The following NAPEPLD variants were observed in gnomAD, a reference collection of about 807,000 sequenced individuals.
The protein encoded by NAPEPLD is N-acyl phosphatidylethanolamine phospholipase D.
In NAPEPLD, 23 loss-of-function variants were observed where a neutral mutation model predicts 38.1. The observed-to-expected ratio is 0.60, with a 90% CI of 0.43 to 0.86. The LOEUF (loss-of-function observed/expected upper bound fraction) is 0.86, where lower values mean the gene tolerates loss of function less well. Ranked by LOEUF, NAPEPLD falls within the 40% of genes least tolerant of loss-of-function variation. The probability of loss-of-function intolerance (pLI) is 0.00; values close to 1 mark genes in which losing one functional copy is unlikely to be tolerated. For missense variants in NAPEPLD, 411 were observed against 476.8 expected, an observed-to-expected ratio of 0.86 and a Z score of 1.28; for synonymous variants, 147 against 162.0, an observed-to-expected ratio of 0.91 and a Z score of 0.71.
At chr7:103,136,046 G>A (rs956282263) in intron 1 of NAPEPLD, among the ~76,000 whole-genome samples, 3 of 152,052 alleles carry the variant, frequency 2.0e-5, no homozygotes, top group African/African-American at 4.8e-5. Flanking sequence ...AATACTTTGG[G>A]AGGCCAAGGA....
At chr7:103,107,240 T>G (rs887762143) in intron 4 of NAPEPLD, among the ~76,000 whole-genome samples, 2 of 152,092 alleles carry the variant, frequency 1.3e-5, no homozygotes, top group Non-Finnish European at 2.9e-5. Flanking sequence ...AGAGCCCACC[T>G]GAAGGTCACC....
intron 1 of NAPEPLD, among the ~76,000 whole-genome samples, chr7:103,130,359 C>G (rs192882190): frequency 6.6e-6 from 1 of 152,312 alleles, no homozygotes; most frequent in East Asian, 1.9e-4. Flanking sequence ...CGCTGTTGCT[C>G]AGCCATCGCT....
chr7:103,146,710 G>T (rs1383513166), intron 1 of NAPEPLD, among the ~76,000 whole-genome samples: 1 of 152,146 alleles, frequency 6.6e-6, no homozygotes, highest in Non-Finnish European at 1.5e-5. Flanking sequence ...CAATCTGTGA[G>T]TGTGTTGCTG....
intron 2 of NAPEPLD, among the ~76,000 whole-genome samples, chr7:103,120,749 T>C (rs1222297611): frequency 7.9e-6 from 1 of 127,120 alleles, no homozygotes; most frequent in Non-Finnish European, 1.6e-5. Flanking sequence ...GCTCTCGCTC[T>C]GTTACCCAGG....
chr7:103,141,992 C>G, intron 1 of NAPEPLD: 1 of 690,614 alleles, frequency 1.4e-6, no homozygotes, highest in Non-Finnish European at 2.6e-6. Flanking sequence ...GCTTTTTAAA[C>G]TACACCAGAG....
chr7:103,124,058 T>G (rs1807253429), intron 2 of NAPEPLD, among the ~76,000 whole-genome samples: 1 of 152,136 alleles, frequency 6.6e-6, no homozygotes, highest in Non-Finnish European at 1.5e-5. Flanking sequence ...TCCCAACACT[T>G]CAGGAGGCCT....
At chr7:103,141,458 G>A (rs1811333597) in intron 1 of NAPEPLD, 3 of 1,044,808 alleles carry the variant, frequency 2.9e-6, no homozygotes, top group Admixed American at 3.5e-5. Context: ...AGATCTGCGG[G>A]CCTCAGCCTG....
In NAPEPLD at chr7:103,120,206, G is replaced by T. The variant is rs1350587215; in HGVS notation, c.312C>A (p.Leu104=). 3 of 1,613,328 alleles carry T rather than the reference G, an allele frequency of 1.9e-6. No homozygotes were observed. Among genetic ancestry groups the T allele is most frequent in the Non-Finnish European group, 2.5e-6 (3 of 1,179,560 alleles). ...TGATAAAATATGGCTTAAGCACTGG[G>T]AGTTCTTTGTCTAGTTCCTTTGTGT... ...PSSKEELDKE[L]PVLKPYFITN... is the part of the protein sequence containing the mutation. The change falls in exon 3 of 5, where the codon CTC becomes CTA. Residue 104 remains leucine (L), a synonymous_variant. Transcript: ENST00000465647.
chr7:103,141,971 TC>T, intron 1 of NAPEPLD: 1 of 752,202 alleles, frequency 1.3e-6, no homozygotes, highest in Admixed American at 2.0e-5. Flanking sequence ...AGGAAAGAGC[TC>T]CCCTGTGGAG....
At chr7:103,119,444 A>T in intron 3 of NAPEPLD, 133 bp downstream of exon 3, 1 of 790,450 alleles carries the variant, frequency 1.3e-6, no homozygotes, top group Non-Finnish European at 1.8e-6. Context: ...TGACCTACCA[A>T]CCCCCAATCA....
At chr7:103,140,702 T>C (rs1050073684) in intron 1 of NAPEPLD, among the ~76,000 whole-genome samples, 8 of 152,168 alleles carry the variant, frequency 5.3e-5, no homozygotes, top group South Asian at 2.1e-4. Context: ...GACCTCATAG[T>C]TCCTTGTGGC....
In NAPEPLD at chr7:103,119,577, C is replaced by T. The variant is rs1806210402; in HGVS notation, c.941G>A (p.Arg314Lys). 1 of 1,611,622 alleles carries T rather than the reference C, an allele frequency of 6.2e-7. No homozygotes were observed. Among genetic ancestry groups the T allele is most frequent in the African/African-American group, 1.3e-5 (1 of 74,826 alleles). ...AAIPIGAYEPRWFMKYQHVDP... is the reference protein window; with the variant it reads ...AAIPIGAYEPKWFMKYQHVDP... ...ATGTTTTCTTTGGAAGTCTACATAC[C>T]TCGGTTCATAAGCTCCGATGGGAAT... The change falls in exon 3 of 5, where the codon AGG (arginine) becomes AAG (lysine). Residue 314 changes from arginine to lysine, a missense_variant and splice_region_variant. Coordinates refer to ENST00000465647, the MANE Select transcript of NAPEPLD (RefSeq NM_001122838.3).
intron 1 of NAPEPLD, among the ~76,000 whole-genome samples, chr7:103,134,606 C>T (rs1809654372): frequency 6.6e-6 from 1 of 152,086 alleles, no homozygotes; most frequent in South Asian, 2.1e-4. Flanking sequence ...GCCGAGATTC[C>T]AGCCTGAGCG....
intron 1 of NAPEPLD, chr7:103,148,080 T>G: frequency 1.0e-6 from 1 of 985,158 alleles, no homozygotes; most frequent in South Asian, 4.7e-5. Context: ...TGTCCATGTC[T>G]GCGGCTAATT....
chr7:103,147,192 T>C (rs1005347520), intron 1 of NAPEPLD, among the ~76,000 whole-genome samples: 1 of 152,260 alleles, frequency 6.6e-6, no homozygotes, highest in African/African-American at 2.4e-5. Flanking sequence ...GTATAGGCGT[T>C]AGAATGAAAT....
chr7:103,103,232 A>C lies in NAPEPLD; in HGVS notation c.*197T>G, dbSNP rs1458864647. Reference sequence around the variant, plus strand: ...AGCCAATTCATTATTTAAATGACCCACCCCTGAACCCTCTCATAGTGTACA... The same window carrying C: ...AGCCAATTCATTATTTAAATGACCCCCCCCTGAACCCTCTCATAGTGTACA... On this transcript the variant is annotated 3_prime_UTR_variant, in exon 5 of 5. Coordinates refer to ENST00000465647, the MANE Select transcript of NAPEPLD (RefSeq NM_001122838.3). 2.3e-6 allele frequency: 1 copy of C among 435,818 alleles called. No individual in the cohort carries two copies. Among genetic ancestry groups the C allele is most frequent in the Non-Finnish European group, 3.9e-6 (1 of 256,424 alleles). 27.0% of individuals were successfully genotyped at this position (435,818 alleles called of 1,614,324 possible).
upstream of NAPEPLD, chr7:103,149,132 A>C: frequency 1.0e-6 from 1 of 987,422 alleles, no homozygotes; most frequent in Non-Finnish European, 1.2e-6. Context: ...TGGAGGAGGC[A>C]GCAGAGAGGT....
intron 2 of NAPEPLD, among the ~76,000 whole-genome samples, chr7:103,121,492 A>C (rs180929180): frequency 6.5e-4 from 99 of 152,266 alleles, no homozygotes; most frequent in African/African-American, 2.2e-3. Context: ...ATCTCGTTTC[A>C]GGAAAAATTC....
intron 1 of NAPEPLD, among the ~76,000 whole-genome samples, chr7:103,140,926 T>C (rs536391711): frequency 9.9e-5 from 15 of 152,248 alleles, no homozygotes; most frequent in African/African-American, 3.4e-4. Flanking sequence ...AACAGATTCT[T>C]TTGCTCAAAG....
Sources: allele counts gnomAD v4.1 joint callset (sites outside exome capture counted in the v4.1 genomes callset), GRCh38; gene constraint gnomAD v4.1.1; transcripts MANE v1.5; gene names NCBI Gene and HGNC (gene_info 2026-07-23, HGNC 2026-07-21).